Variants in WDR72 observed in about 807,000 individuals in gnomAD.
WDR72 encodes WD repeat-containing protein 72.
A neutral mutation model predicts 124.2 loss-of-function variants in WDR72; 120 were observed. The observed-to-expected ratio is 0.97, with a 90% confidence interval of 0.83 to 1.12. The LOEUF (loss-of-function observed/expected upper bound fraction) is 1.12. Ranked by LOEUF, WDR72 falls within the 50% of genes most tolerant of loss-of-function variation. The pLI, the probability that WDR72 is intolerant of heterozygous loss-of-function variation, is 0.00. For synonymous variants in WDR72, 452 were observed against 441.7 expected (o/e 1.02, Z -0.29); for missense variants, 1,387 against 1,278.8 (o/e 1.08, Z -1.29).
intron 13 of WDR72, among the ~76,000 whole-genome samples, chr15:53,685,729 C>T (rs142812667): frequency 3.3e-5 from 5 of 150,542 alleles, no homozygotes; most frequent in South Asian, 4.2e-4. Context: ...AGATACTCCT[C>T]GAGAAGACCA....
chr15:53,744,541 C>T (rs978075539), intron 1 of WDR72, among the ~76,000 whole-genome samples: 1 of 152,142 alleles, frequency 6.6e-6, no homozygotes, highest in Non-Finnish European at 1.5e-5. Context: ...AATAGGCTAC[C>T]TACTCTAGCA....
At chr15:53,751,082 T>C (rs762120395) in intron 1 of WDR72, among the ~76,000 whole-genome samples, 2 of 152,170 alleles carry the variant, frequency 1.3e-5, no homozygotes, top group African/African-American at 4.8e-5. Context: ...GGTAAAAGGC[T>C]ATCAGACAGC....
Position 53,615,588 on chromosome 15 carries a change from T to TTA in WDR72, c.2616_2617dup (p.Lys873IlefsTer30), listed in dbSNP as rs1455972263. On this transcript the variant is annotated frameshift_variant, in exon 15 of 20. Transcript: ENST00000360509. LOFTEE classifies it high-confidence loss of function. Reference sequence around the variant, plus strand: ...CTGATTTGGAAGAGTGGCTGTGTATTTATCTGACAAGTCCAAAACTTTCCT... The same window carrying TTA: ...CTGATTTGGAAGAGTGGCTGTGTATTTATATCTGACAAGTCCAAAACTTTCCT... 6.2e-7 allele frequency: 1 copy of TTA among 1,612,958 alleles called. No homozygotes were observed. The highest frequency in any genetic ancestry group is 1.3e-5 in the African/African-American group (1 of 74,872).
intron 13 of WDR72, among the ~76,000 whole-genome samples, chr15:53,685,588 G>C (rs1224735182): frequency 6.7e-6 from 1 of 148,484 alleles, no homozygotes; most frequent in Non-Finnish European, 1.5e-5. Flanking sequence ...TGTCTGATTG[G>C]TGTACCTGAA....
At chr15:53,550,245 C>T (rs943774886) in intron 18 of WDR72, among the ~76,000 whole-genome samples, 1 of 152,100 alleles carries the variant, frequency 6.6e-6, no homozygotes, top group African/African-American at 2.4e-5. Context: ...GCCATATAGT[C>T]TCTATCAAAA....
intron 13 of WDR72, among the ~76,000 whole-genome samples, chr15:53,677,486 C>T (rs689608): frequency 6.6e-6 from 1 of 152,080 alleles, no homozygotes; most frequent in African/African-American, 2.4e-5. Flanking sequence ...CAAATTTTAG[C>T]TCTCATAATT....
chr15:53,748,667 T>C (rs1239980392), intron 1 of WDR72, among the ~76,000 whole-genome samples: 1 of 152,144 alleles, frequency 6.6e-6, no homozygotes, highest in African/African-American at 2.4e-5. Flanking sequence ...GAAAATCAAG[T>C]CTCTCATACA....
intron 14 of WDR72, among the ~76,000 whole-genome samples, chr15:53,642,263 T>G (rs2014881346): frequency 6.6e-6 from 1 of 151,962 alleles, no homozygotes; most frequent in Non-Finnish European, 1.5e-5. Context: ...TGCTTCCCCA[T>G]CAAAGATAAA....
chr15:53,580,555 C>T (rs1380264819), intron 18 of WDR72, among the ~76,000 whole-genome samples: 2 of 152,042 alleles, frequency 1.3e-5, no homozygotes, highest in Non-Finnish European at 2.9e-5. Flanking sequence ...CTTCGTGCTT[C>T]AGCAGCTAGC....
chr15:53,592,862 T>C (rs1364887775), intron 18 of WDR72, among the ~76,000 whole-genome samples: 4 of 152,138 alleles, frequency 2.6e-5, no homozygotes, highest in Non-Finnish European at 5.9e-5. Context: ...AAGCCTCAAA[T>C]GTAAGTGTTA....
intron 14 of WDR72, among the ~76,000 whole-genome samples, chr15:53,646,551 T>C (rs1204754198): frequency 1.3e-5 from 2 of 152,090 alleles, no homozygotes; most frequent in African/African-American, 4.8e-5. Context: ...AGTAGACTGT[T>C]TCAGGTCACC....
At chr15:53,648,597 C>T (rs2015125109) in intron 14 of WDR72, among the ~76,000 whole-genome samples, 2 of 152,076 alleles carry the variant, frequency 1.3e-5, no homozygotes, top group Non-Finnish European at 2.9e-5. Context: ...AATAGTGTTT[C>T]TCCTCTTTTG....
chr15:53,622,324 G>A (rs910494692), intron 14 of WDR72, among the ~76,000 whole-genome samples: 2 of 151,944 alleles, frequency 1.3e-5, no homozygotes, highest in Admixed American at 6.6e-5. Context: ...ATACATGCAA[G>A]TGTTATGTTC....
intron 13 of WDR72, among the ~76,000 whole-genome samples, chr15:53,682,459 T>C (rs1165403824): frequency 6.6e-6 from 1 of 152,194 alleles, no homozygotes; most frequent in East Asian, 1.9e-4. Flanking sequence ...AATTGTTTAT[T>C]TAATTTGGTT....
At chr15:53,735,205 C>T (rs993968603) in intron 1 of WDR72, among the ~76,000 whole-genome samples, 1 of 152,034 alleles carries the variant, frequency 6.6e-6, no homozygotes, top group African/African-American at 2.4e-5. Flanking sequence ...GTGGGGAAAT[C>T]ACTTGAACCC....
intron 13 of WDR72, among the ~76,000 whole-genome samples, chr15:53,693,405 A>G (rs915374010): frequency 2.0e-5 from 3 of 152,322 alleles, no homozygotes; most frequent in African/African-American, 7.2e-5. Flanking sequence ...TCTTGCACAT[A>G]TTCTACATAC....
chr15:53,595,307 G>A (rs1275052856), intron 18 of WDR72, among the ~76,000 whole-genome samples: 1 of 152,054 alleles, frequency 6.6e-6, no homozygotes, highest in Non-Finnish European at 1.5e-5. Context: ...CTTTAAAGAT[G>A]CATTCTGGCC....
At chr15:53,593,038 A>C (rs1236775025) in intron 18 of WDR72, among the ~76,000 whole-genome samples, 4 of 152,130 alleles carry the variant, frequency 2.6e-5, no homozygotes, top group African/African-American at 9.7e-5. Context: ...AAACACTAAA[A>C]AATAAGACAA....
At chr15:53,758,146 T>C (rs74974544) in intron 1 of WDR72, among the ~76,000 whole-genome samples, 47,199 of 151,776 alleles carry the variant, frequency 0.31, 7,808 homozygotes, top group East Asian at 0.46. Flanking sequence ...GCTGGGATTA[T>C]GGACTGACGC....
Sources: gnomAD v4.1 joint callset for allele counts (sites outside exome capture counted in the v4.1 genomes callset) on GRCh38, gnomAD v4.1.1 for gene constraint, MANE v1.5 for transcripts, NCBI Gene and HGNC (gene_info 2026-07-23, HGNC 2026-07-21) for gene names.